Variants in INPP4B observed in about 807,000 individuals in gnomAD.
INPP4B encodes the protein inositol polyphosphate 4-phosphatase type II.
Under a neutral mutation model 122.5 loss-of-function variants are expected in INPP4B, and 55 were observed. The ratio of observed to expected loss-of-function variants is 0.45; its 90% CI spans 0.36 to 0.56. The LOEUF is 0.56. Among genes scored for constraint, INPP4B ranks in the 20% least tolerant of loss-of-function variants. INPP4B has a pLI of 0.00. For missense variants in INPP4B, 1,000 were observed against 1,097.7 expected (o/e 0.91, Z 1.26); for synonymous variants, 403 against 388.7 (o/e 1.04, Z -0.43).
At chr4:142,686,181 C>T (rs1467608158) in intron 2 of INPP4B, among the ~76,000 whole-genome samples, 1 of 152,034 alleles carries the variant, frequency 6.6e-6, no homozygotes, top group Non-Finnish European at 1.5e-5. Flanking sequence ...ATTCAAGATG[C>T]TAGAGCAATA....
chr4:142,362,172 T>C (rs182721246), intron 7 of INPP4B, among the ~76,000 whole-genome samples: 16 of 152,120 alleles, frequency 1.1e-4, no homozygotes, highest in Admixed American at 7.9e-4. Context: ...GGTGCGTGGG[T>C]GGGAGCCAAC....
At chr4:142,381,991 A>T (rs964587703) in intron 7 of INPP4B, among the ~76,000 whole-genome samples, 8 of 152,140 alleles carry the variant, frequency 5.3e-5, no homozygotes, top group Admixed American at 1.3e-4. Flanking sequence ...TATTATTTTT[A>T]AAATTCCTTG....
chr4:142,271,123 C>T (rs1473172290), intron 9 of INPP4B, among the ~76,000 whole-genome samples: 1 of 116,188 alleles, frequency 8.6e-6, no homozygotes, highest in Non-Finnish European at 1.8e-5. Flanking sequence ...GCCACCATGC[C>T]TGGCTACTTT....
At chr4:142,058,653 A>G (rs1758970869) in intron 25 of INPP4B, among the ~76,000 whole-genome samples, 1 of 152,168 alleles carries the variant, frequency 6.6e-6, no homozygotes, top group Non-Finnish European at 1.5e-5. Context: ...TAAAAACAAA[A>G]TAGGAAACTA....
intron 1 of INPP4B, among the ~76,000 whole-genome samples, chr4:142,760,513 G>A (rs755280858): frequency 3.7e-4 from 57 of 152,034 alleles, no homozygotes; most frequent in Non-Finnish European, 5.1e-4. Context: ...CAATTCCAGA[G>A]ATGAAATCAA....
chr4:142,082,754 A>G (rs991938310), intron 24 of INPP4B, among the ~76,000 whole-genome samples: 1 of 152,216 alleles, frequency 6.6e-6, no homozygotes, highest in Non-Finnish European at 1.5e-5. Flanking sequence ...AACAATAGAA[A>G]TGGCCACTGT....
chr4:142,154,039 A>G (rs1458552899), intron 17 of INPP4B, among the ~76,000 whole-genome samples: 1 of 152,158 alleles, frequency 6.6e-6, no homozygotes, highest in African/African-American at 2.4e-5. Flanking sequence ...TTTCCCATCC[A>G]TCAAGAAAAC....
rs534840873 is a variant in INPP4B at position 142,469,360 on chromosome 4, C to T, written c.-190-6634G>A. Among the ~76,000 whole-genome samples, 53 of 151,822 alleles carry T rather than the reference C, an allele frequency of 3.5e-4. 1 individual carries two copies. In the South Asian group the frequency reaches 0.01, roughly 30 times the overall value. On this transcript the variant is annotated intron_variant, in intron 2 of 25. Transcript: ENST00000262992. ...ACTCTGTAAGGAAAATTATAAGAAG[C>T]TATAAAGAGAAGTAAAGAACTGTAA...
At chr4:142,639,652 C>T (rs571418019) in intron 2 of INPP4B, among the ~76,000 whole-genome samples, 10 of 152,130 alleles carry the variant, frequency 6.6e-5, no homozygotes, top group South Asian at 6.2e-4. Context: ...CACAGGCAGG[C>T]GGCTTTGCAG....
intron 9 of INPP4B, among the ~76,000 whole-genome samples, chr4:142,277,823 T>C (rs1749330651): frequency 6.6e-6 from 1 of 151,560 alleles, no homozygotes; most frequent in African/African-American, 2.4e-5. Flanking sequence ...AAACCAAACA[T>C]CGTATGTTCT....
chr4:142,810,819 G>A (rs1779419035), intron 1 of INPP4B, among the ~76,000 whole-genome samples: 1 of 152,146 alleles, frequency 6.6e-6, no homozygotes, highest in Non-Finnish European at 1.5e-5. Context: ...GGTATTTTAT[G>A]TATCCTACAC....
chr4:142,568,594 C>T (rs180899673), intron 2 of INPP4B, among the ~76,000 whole-genome samples: 1 of 151,916 alleles, frequency 6.6e-6, no homozygotes, highest in African/African-American at 2.4e-5. Flanking sequence ...TGTATTTTTC[C>T]AAAAATATCC....
At chr4:142,790,375 AC>A (rs1480714680) in intron 1 of INPP4B, among the ~76,000 whole-genome samples, 3 of 152,284 alleles carry the variant, frequency 2.0e-5, no homozygotes, top group East Asian at 1.9e-4. Context: ...AAGAAAAAAA[AC>A]AAACAATCCC....
chr4:142,323,409 A>G (rs1409775689), intron 7 of INPP4B, among the ~76,000 whole-genome samples: 1 of 151,706 alleles, frequency 6.6e-6, no homozygotes, highest in African/African-American at 2.4e-5. Context: ...CATGCCTGAA[A>G]TAGAAATGAG....
chr4:142,628,423 A>AG (rs1363439209), intron 2 of INPP4B, among the ~76,000 whole-genome samples: 2 of 43,996 alleles, frequency 4.5e-5, no homozygotes, highest in Non-Finnish European at 4.3e-5. Context: ...GGGTGGGGGG[A>AG]GGGGGGAGGG....
intron 2 of INPP4B, among the ~76,000 whole-genome samples, chr4:142,642,142 A>T (rs889474763): frequency 6.6e-6 from 1 of 151,778 alleles, no homozygotes; most frequent in African/African-American, 2.4e-5. Context: ...AATTTGTTTG[A>T]GTTCTTTGTA....
At chr4:142,449,224 C>T (rs536100298) in intron 3 of INPP4B, among the ~76,000 whole-genome samples, 3 of 152,210 alleles carry the variant, frequency 2.0e-5, no homozygotes, top group Admixed American at 2.0e-4. Flanking sequence ...TCCTCTTTAC[C>T]GCGAGGAAGC....
intron 2 of INPP4B, among the ~76,000 whole-genome samples, chr4:142,480,042 T>G (rs1360144447): frequency 6.6e-6 from 1 of 152,218 alleles, no homozygotes; most frequent in Non-Finnish European, 1.5e-5. Flanking sequence ...CTATCACTAG[T>G]TATCCTTCTG....
chr4:142,824,132 C>A (rs1182250257), intron 1 of INPP4B, among the ~76,000 whole-genome samples: 2 of 152,062 alleles, frequency 1.3e-5, no homozygotes, highest in African/African-American at 2.4e-5. Context: ...ATGGCCCCCC[C>A]AGGTTCTCAG....
Sources: gnomAD v4.1 joint callset for allele counts (sites outside exome capture counted in the v4.1 genomes callset) on GRCh38, gnomAD v4.1.1 for gene constraint, MANE v1.5 for transcripts, NCBI Gene and HGNC (gene_info 2026-07-23, HGNC 2026-07-21) for gene names.